MYO16: variants seen among roughly 807,000 people sequenced by gnomAD.
The protein encoded by MYO16 is unconventional myosin-XVI.
Under a neutral mutation model 205.3 loss-of-function variants are expected in MYO16, and 94 were observed. That is an observed-to-expected ratio of 0.46 (90% confidence interval 0.39 to 0.54). The LOEUF is 0.54. MYO16 is among the 20% of genes least tolerant of loss of function. MYO16 has a pLI of 0.00. For missense variants in MYO16, 2,315 were observed against 2,387.5 expected, an observed-to-expected ratio of 0.97 and a Z score of 0.63; for synonymous variants, 988 against 954.0, an observed-to-expected ratio of 1.04 and a Z score of -0.66.
intron 16 of MYO16, among the ~76,000 whole-genome samples, chr13:108,945,034 A>C (rs1392719431): frequency 1.3e-5 from 2 of 152,200 alleles, no homozygotes; most frequent in African/African-American, 2.4e-5. Flanking sequence ...CTTGTCTCGA[A>C]GTTTCCAGAA....
intron 25 of MYO16, among the ~76,000 whole-genome samples, chr13:109,052,997 A>G (rs1887294009): frequency 6.6e-6 from 1 of 152,160 alleles, no homozygotes; most frequent in Non-Finnish European, 1.5e-5. Context: ...GTTTGGTTGT[A>G]TACACAAACT....
At chr13:108,510,339 G>C in the MYO16 span, among the ~76,000 whole-genome samples, 2 of 150,974 alleles carry the variant, frequency 1.3e-5, no homozygotes, top group South Asian at 4.2e-4. Context: ...GGATGGTCTC[G>C]ATCTCCTGAC....
At chr13:108,898,170 C>G in intron 15 of MYO16, 37 bp downstream of exon 15, 2 of 1,517,104 alleles carry the variant, frequency 1.3e-6, no homozygotes, top group Non-Finnish European at 1.8e-6. Context: ...TTTCCTGTGC[C>G]GAGCCAGCAT....
At chr13:108,523,424 C>A in the MYO16 span, among the ~76,000 whole-genome samples, 2 of 152,314 alleles carry the variant, frequency 1.3e-5, no homozygotes, top group East Asian at 3.9e-4. Context: ...TCTCCCATGA[C>A]GTTTCTGGCA....
chr13:109,114,493 T>A (rs1026855105), intron 28 of MYO16, among the ~76,000 whole-genome samples: 1 of 152,204 alleles, frequency 6.6e-6, no homozygotes, highest in Non-Finnish European at 1.5e-5. Flanking sequence ...CATACCTTTT[T>A]CTCTTGAAAA....
intron 27 of MYO16, among the ~76,000 whole-genome samples, chr13:109,085,833 C>T (rs746287887): frequency 5.3e-5 from 8 of 151,912 alleles, no homozygotes; most frequent in Non-Finnish European, 7.4e-5. Context: ...AGTGATAAGG[C>T]GATTTCAATG....
intron 1 of MYO16, among the ~76,000 whole-genome samples, chr13:108,631,915 T>A (rs1879998987): frequency 6.6e-6 from 1 of 152,030 alleles, no homozygotes; most frequent in South Asian, 2.1e-4. Context: ...CTGTCTCTAC[T>A]AAAAATACAA....
chr13:108,933,765 T>G lies in MYO16; in HGVS notation c.1925+23615T>G, dbSNP rs80133172. ...CTTTCCCCTATACCTTCCTCCCACC[T>G]CTGGTAGTCCCTAGTGTCTACCATT... On this transcript the variant is annotated intron_variant, in intron 16 of 34. Transcript: ENST00000457511. Among the ~76,000 whole-genome samples, 579 of 152,230 alleles carry G rather than the reference T, an allele frequency of 3.8e-3. 5 individuals are homozygous for G. Among genetic ancestry groups the G allele is most frequent in the African/African-American group, 0.012 (509 of 41,554 alleles).
intron 16 of MYO16, among the ~76,000 whole-genome samples, chr13:108,936,634 A>C (rs1408852119): frequency 6.6e-6 from 1 of 151,976 alleles, no homozygotes; most frequent in Non-Finnish European, 1.5e-5. Context: ...AAGAATAGTG[A>C]TCCCTGCTTT....
chr13:109,013,858 G>A (rs1260207143), intron 22 of MYO16, among the ~76,000 whole-genome samples: 7 of 152,048 alleles, frequency 4.6e-5, no homozygotes, highest in Non-Finnish European at 7.4e-5. Context: ...TGTAGATTCC[G>A]GATATTAGCC....
At chr13:109,009,476 T>C (rs1885518347) in intron 22 of MYO16, among the ~76,000 whole-genome samples, 1 of 152,104 alleles carries the variant, frequency 6.6e-6, no homozygotes, top group Non-Finnish European at 1.5e-5. Flanking sequence ...GAAAAACATA[T>C]AAACACATAT....
intron 3 of MYO16, among the ~76,000 whole-genome samples, chr13:108,722,310 C>T (rs987929665): frequency 2.0e-5 from 3 of 152,090 alleles, no homozygotes; most frequent in Non-Finnish European, 4.4e-5. Context: ...AGGAATATTT[C>T]CTGGCTTGAA....
rs530698746 is a variant in MYO16 at position 108,877,825 on chromosome 13, T to C, written c.1426-5234T>C. 3.9e-5 allele frequency among the ~76,000 whole-genome samples: 6 copies of C among 152,350 alleles called. No homozygotes were observed. In the South Asian group the frequency reaches 1.2e-3, roughly 32 times the overall value. On this transcript the variant is annotated intron_variant, in intron 12 of 34. Coordinates refer to ENST00000457511, the MANE Select transcript of MYO16 (RefSeq NM_001198950.3). The stretch of plus-strand genomic sequence containing the variant: ...ATATGGTTGACCAGTGCTTGTTAAA[T>C]TTAATGTAGTAAGATCGCTCCATCA...
chr13:108,585,947 T>A, the MYO16 span, among the ~76,000 whole-genome samples: 9 of 79,380 alleles, frequency 1.1e-4, no homozygotes, highest in Non-Finnish European at 1.8e-4. Context: ...CAATGTTCAA[T>A]CTTTAGCAAA....
chr13:108,799,921 G>T (rs2138964890), intron 6 of MYO16, among the ~76,000 whole-genome samples: 1 of 152,282 alleles, frequency 6.6e-6, no homozygotes, highest in East Asian at 1.9e-4. Context: ...ATAAGAGCAA[G>T]GTTTTTAACT....
rs572414397 is a variant in MYO16 at position 108,683,495 on chromosome 13, G to T, written c.292+17346G>T. 2.9e-3 allele frequency among the ~76,000 whole-genome samples: 435 copies of T among 152,316 alleles called. 5 individuals are homozygous for T. The highest frequency in any genetic ancestry group is 3.2e-3 in the Non-Finnish European group (218 of 68,032). On this transcript the variant is annotated intron_variant, in intron 2 of 34. Coordinates refer to ENST00000457511, the MANE Select transcript of MYO16 (RefSeq NM_001198950.3). ...TCTCATGGGAAGCATTTACAAGCGGGAAATCTGTGTCTGATAAATGAGCTG... is the reference window on the plus strand; with the variant it reads ...TCTCATGGGAAGCATTTACAAGCGGTAAATCTGTGTCTGATAAATGAGCTG...
chr13:108,961,708 A>G, intron 18 of MYO16, 52 bp downstream of exon 18: 4 of 1,401,136 alleles, frequency 2.9e-6, no homozygotes, highest in Non-Finnish European at 4.0e-6. Flanking sequence ...GCAATTTTGT[A>G]GATCTACCAG....
At chr13:108,923,554 G>T (rs1881841466) in intron 16 of MYO16, among the ~76,000 whole-genome samples, 1 of 152,208 alleles carries the variant, frequency 6.6e-6, no homozygotes, top group African/African-American at 2.4e-5. Flanking sequence ...CACCAGCTCG[G>T]GCTGGTATGG....
rs553247989 is a variant in MYO16 at position 108,875,965 on chromosome 13, C to T, written c.1426-7094C>T. Among the ~76,000 whole-genome samples the T allele has an allele frequency of 2.6e-5, 4 of 152,122 alleles. No individual in the cohort carries two copies. The East Asian group carries it at 7.7e-4, about 29-fold the overall frequency. ...CAGGCTGTCTCTTGTGTCTGTTGAA[C>T]ATCTAATGAAATTCTCATTTACAAA... On this transcript the variant is annotated intron_variant, in intron 12 of 34. Transcript: ENST00000457511.
Sources: allele counts gnomAD v4.1 joint callset (sites outside exome capture counted in the v4.1 genomes callset), GRCh38; gene constraint gnomAD v4.1.1; transcripts MANE v1.5; gene names NCBI Gene and HGNC (gene_info 2026-07-23, HGNC 2026-07-21).